CASKIN1: variants seen among roughly 807,000 people sequenced by gnomAD.
The protein encoded by CASKIN1 is caskin-1.
CASKIN1 carries 42 observed loss-of-function variants against 117.5 expected under a neutral mutation model. The ratio of observed to expected loss-of-function variants is 0.36; its 90% CI spans 0.28 to 0.46. The LOEUF is 0.46. CASKIN1 is among the 20% of genes least tolerant of loss of function. CASKIN1 has a pLI of 1.00. For synonymous variants in CASKIN1, 1,148 were observed against 961.7 expected (o/e 1.19, Z -3.59); for missense variants, 2,083 against 2,077.3 (o/e 1.00, Z -0.05).
In CASKIN1 at chr16:2,178,842, AGCCCCGCCCAT is replaced by A. The variant is rs1276621116; in HGVS notation, c.4199+49_4199+59del. On this transcript the variant is annotated intron_variant, in intron 19 of 19. Coordinates refer to ENST00000343516, the MANE Select transcript of CASKIN1 (RefSeq NM_020764.4). ...TGCCGAGCCCCGCCCATCTCTGCCG[AGCCCCGCCCAT>A]CTCTGCCGAGCCCCGCCCTCCGCCC... 85 of 1,333,006 alleles carry A rather than the reference AGCCCCGCCCAT, an allele frequency of 6.4e-5. No homozygotes were observed. The African/African-American group carries it at 1.3e-3, about 21-fold the overall frequency. The allele number at this position is 1,333,006 out of a possible 1,614,324, so 82.6% of individuals were successfully genotyped here.
intron 1 of CASKIN1, among the ~76,000 whole-genome samples, chr16:2,193,020 T>C (rs26830): frequency 0.33 from 49,516 of 152,062 alleles, 10,084 homozygotes; most frequent in East Asian, 0.5. Context: ...AAATTCTTTT[T>C]CTTTTTTTTT....
Position 2,181,051 on chromosome 16 carries a change from G to T in CASKIN1, c.2317C>A (p.His773Asn), listed in dbSNP as rs1263637385. 4 of 1,490,954 alleles carry T rather than the reference G, an allele frequency of 2.7e-6. No homozygotes were observed. The highest frequency in any genetic ancestry group is 3.6e-6 in the Non-Finnish European group (4 of 1,125,406). 92.4% of individuals were successfully genotyped at this position (1,490,954 alleles called of 1,614,324 possible). The change falls in exon 18 of 20, where the codon CAC becomes AAC. Residue 773 changes from histidine to asparagine, a missense_variant. By Grantham distance (68) the His-to-Asn change is moderately conservative. This residue lies in a region of CASKIN1 where 1,818 missense variants were observed against 1,688.9 expected (regional missense o/e 1.08). Transcript: ENST00000343516. Reference protein sequence around the residue: ...PRQVLPPGTSHFTPPQTPTKT... With the variant: ...PRQVLPPGTSNFTPPQTPTKT... ...GTGGGCGTCTGGGGGGGCGTGAAGT[G>T]GCTAGTGCCTGGTGGGAGGACCTGC...
At chr16:2,194,837 C>G (rs574819495) in intron 1 of CASKIN1, among the ~76,000 whole-genome samples, 1 of 152,296 alleles carries the variant, frequency 6.6e-6, no homozygotes, top group Admixed American at 6.5e-5. Context: ...CTGAAGCCCC[C>G]ACTTCCCCAG....
chr16:2,180,803 G>C lies in CASKIN1; in HGVS notation c.2565C>G (p.Pro855=), dbSNP rs921095844. 7.1e-7 allele frequency: 1 copy of C among 1,398,726 alleles called. No individual in the cohort carries two copies. Among genetic ancestry groups the C allele is most frequent in the Non-Finnish European group, 9.2e-7 (1 of 1,085,110 alleles). 86.6% of individuals were successfully genotyped at this position (1,398,726 alleles called of 1,614,324 possible). ...ACAGTGTGGGCACAGCCGTCGGCAC[G>C]GGTGGGGGCGCAGGCCCCGGGGCAG... ...GPAAPGPAPP[P]VPTAVPTLCL... The change falls in exon 18 of 20, where the codon CCC becomes CCG. Residue 855 remains proline (P), a synonymous_variant. Coordinates refer to ENST00000343516, the MANE Select transcript of CASKIN1 (RefSeq NM_020764.4).
rs757009792 is a variant in CASKIN1 at position 2,187,169 on chromosome 16, G to A, written c.832C>T (p.Arg278Ter). The change falls in exon 8 of 20, where the codon CGA (arginine) becomes TGA (stop). Residue 278 changes from arginine to a stop codon, truncating the protein, a stop_gained. Coordinates refer to ENST00000343516, the MANE Select transcript of CASKIN1 (RefSeq NM_020764.4). LOFTEE classifies it high-confidence loss of function. ...CCTCTGCCCTGCCTGGGCCCACCTC[G>A]CAACAGCTGCTTGATCTCCCTGCTG... The part of the protein sequence containing the change: ...QASREIKQLL[R>*]EASAALQVRA... 6.2e-7 allele frequency: 1 copy of A among 1,613,824 alleles called. No individual in the cohort carries two copies. Among genetic ancestry groups the A allele is most frequent in the Non-Finnish European group, 8.5e-7 (1 of 1,179,922 alleles).
chr16:2,183,553 G>A (rs2141317328), intron 16 of CASKIN1, 93 bp downstream of exon 16: 3 of 1,235,202 alleles, frequency 2.4e-6, no homozygotes, highest in Non-Finnish European at 2.3e-6. Flanking sequence ...GCCCCTGAGG[G>A]CGGGTGGGAG....
In CASKIN1 at chr16:2,181,516, G is replaced by A. The variant is rs1030069400; in HGVS notation, c.1852C>T (p.Leu618=). The change falls in exon 18 of 20, where the codon CTG becomes TTG. Residue 618 remains leucine, a synonymous_variant. Transcript: ENST00000343516. ...AGAGACTGGGGCGCCTTCCGGCGCAGGGGGCCCCCCTCATACTTGGCGTAT... is the reference window on the plus strand; with the variant it reads ...AGAGACTGGGGCGCCTTCCGGCGCAAGGGGCCCCCCTCATACTTGGCGTAT... ...AEYAKYEGGP[L]RRKAPQSLEV... 5.0e-6 allele frequency: 8 copies of A among 1,607,638 alleles called. No homozygotes were observed. The highest frequency in any genetic ancestry group is 6.8e-6 in the Non-Finnish European group (8 of 1,178,488).
rs1340617006 is a variant in CASKIN1, at chr16:2,189,551, C to A, written c.258G>T (p.Leu86=). 1 of 1,605,952 alleles carries A rather than the reference C, an allele frequency of 6.2e-7. No individual in the cohort carries two copies. Among genetic ancestry groups the A allele is most frequent in the Non-Finnish European group, 8.5e-7 (1 of 1,177,158 alleles). Residue 86 remains leucine (L), a synonymous_variant, in exon 4 of 20, where the codon CTG becomes CTT. Transcript: ENST00000343516. ...DIKDNKGMRP[L]HYAAWQGRKE... ...TCCGGCCCTGCCAGGCCGCATAGTGCAGCGGCCGCATGCCTGGGGGGCGAG... is the reference window on the plus strand; with the variant it reads ...TCCGGCCCTGCCAGGCCGCATAGTGAAGCGGCCGCATGCCTGGGGGGCGAG...
rs1181719330 is a variant in CASKIN1, at chr16:2,180,676, G to C, written c.2692C>G (p.Leu898Val). The change falls in exon 18 of 20, where the codon CTG (leucine) becomes GTG (valine). Residue 898 changes from leucine (L) to valine (V), a missense_variant. Physicochemically the swap from Leu to Val is conservative, Grantham distance 32. Around this residue, in one of 3 missense-constraint regions of CASKIN1, gnomAD observed 1,818 missense variants for 1,688.9 expected, o/e 1.08. Transcript: ENST00000343516. The part of the protein sequence containing the change: ...ASDSEPERDE[L>V]LVPAAAGPYA... ...GGGCCGGCAGCCGCAGGCACCAGCAGCTCGTCCCGCTCCGGCTCGCTGTCG... is the reference window on the plus strand; with the variant it reads ...GGGCCGGCAGCCGCAGGCACCAGCACCTCGTCCCGCTCCGGCTCGCTGTCG... The C allele has an allele frequency of 6.0e-6, 9 of 1,509,922 alleles. No individual in the cohort carries two copies. The East Asian group carries it at 2.2e-4, about 38-fold the overall frequency. The allele number at this position is 1,509,922 out of a possible 1,614,324, so 93.5% of individuals were successfully genotyped here.
Position 2,180,603 on chromosome 16 carries a change from G to A in CASKIN1, c.2765C>T (p.Ala922Val), listed in dbSNP as rs866039831. The A allele has an allele frequency of 9.5e-6, 15 of 1,572,278 alleles. No homozygotes were observed. Among genetic ancestry groups the A allele is most frequent in the Admixed American group, 3.6e-5 (2 of 55,904 alleles). Residue 922 changes from alanine to valine, a missense_variant, in exon 18 of 20, where the codon GCG (alanine) becomes GTG (valine). This residue lies in a region of CASKIN1 where 1,818 missense variants were observed against 1,688.9 expected (regional missense o/e 1.08). Transcript: ENST00000343516. ...GACGTTCTTGTCGGCACCTGCGGGC[G>A]CCCTCACTGAGTGGCTGCGGCCCAC... The part of the protein sequence containing the change: ...RRVGRSHSVR[A>V]PAGADKNVNR...
chr16:2,186,900 G>A (rs898503451), intron 9 of CASKIN1, 76 bp from the exon 10 acceptor site: 22 of 1,599,974 alleles, frequency 1.4e-5, no homozygotes, highest in Middle Eastern at 1.7e-4. Context: ...CCCCAGTTGC[G>A]GCGGGAGGGT....
At chr16:2,191,789 C>T (rs2093202312) in intron 1 of CASKIN1, among the ~76,000 whole-genome samples, 1 of 152,250 alleles carries the variant, frequency 6.6e-6, no homozygotes, top group South Asian at 2.1e-4. Context: ...TTCCTGCACA[C>T]CTATAGCTTG....
At position 2,187,282 on chromosome 16, in the gene CASKIN1, T is replaced by C. The variant is rs1269546965; in HGVS notation, c.727-8A>G. ...GTGGGCATTGATCCCGCTCTGCACA[T>C]GTGAGAGATGAGGCTCTGTCAGGAG... On this transcript the variant is annotated splice_polypyrimidine_tract_variant and splice_region_variant and intron_variant, in intron 7 of 19. Coordinates refer to ENST00000343516, the MANE Select transcript of CASKIN1 (RefSeq NM_020764.4). The C allele has an allele frequency of 7.4e-6, 12 of 1,613,806 alleles. No homozygotes were observed. The highest frequency in any genetic ancestry group is 2.2e-5 in the East Asian group (1 of 44,860).
In CASKIN1 at chr16:2,181,903, C is replaced by T. The variant is rs370922324; in HGVS notation, c.1656G>A (p.Met552Ile). 6.2e-7 allele frequency: 1 copy of T among 1,613,708 alleles called. No individual in the cohort carries two copies. Among genetic ancestry groups the T allele is most frequent in the South Asian group, 1.1e-5 (1 of 91,080 alleles). The change falls in exon 17 of 20, where the codon ATG (methionine) becomes ATA (isoleucine). Residue 552 changes from methionine (M) to isoleucine (I), a missense_variant. Physicochemically the swap from Met to Ile is conservative, Grantham distance 10. Transcript: ENST00000343516. ...KPANLAVWLS[M>I]IGLAQYYKVL... ...CCTTGTAGTACTGGGCCAGGCCGATCATGGACAGCCACACGGCCAGGTTAG... is the reference window on the plus strand; with the variant it reads ...CCTTGTAGTACTGGGCCAGGCCGATTATGGACAGCCACACGGCCAGGTTAG...
At chr16:2,187,776 C>A (rs2093189252) in intron 6 of CASKIN1, among the ~76,000 whole-genome samples, 3 of 152,084 alleles carry the variant, frequency 2.0e-5, no homozygotes, top group Non-Finnish European at 4.4e-5. Flanking sequence ...CACCTGCCAC[C>A]ACACCCAGCT....
intron 16 of CASKIN1, 45 bp downstream of exon 16, chr16:2,183,601 G>A (rs758593992): frequency 1.8e-5 from 29 of 1,586,012 alleles, no homozygotes; most frequent in Admixed American, 1.0e-4. Context: ...CTGTCTGTCT[G>A]TCTGCCCGTC....
chr16:2,181,515 A>AG lies in CASKIN1; in HGVS notation c.1852dup (p.Leu618ProfsTer10). 1 of 1,608,398 alleles carries AG rather than the reference A, an allele frequency of 6.2e-7. No homozygotes were observed. On this transcript the variant is annotated frameshift_variant, in exon 18 of 20. Transcript: ENST00000343516. LOFTEE classifies it high-confidence loss of function. ...AAGAGACTGGGGCGCCTTCCGGCGC[A>AG]GGGGGCCCCCCTCATACTTGGCGTA...
chr16:2,179,110 G>A lies in CASKIN1; in HGVS notation c.3991C>T (p.Pro1331Ser). The change falls in exon 19 of 20, where the codon CCC becomes TCC. Residue 1331 changes from proline to serine, a missense_variant. By Grantham distance (74) the Pro-to-Ser change is moderately conservative. Around this residue, in one of 3 missense-constraint regions of CASKIN1, gnomAD observed 1,818 missense variants for 1,688.9 expected, o/e 1.08. Transcript: ENST00000343516. The surrounding 1 kb of genome is among the most constrained non-coding windows in gnomAD (Gnocchi z 5.8). ...LGASPAKPPSPGAPALHVPAK... is the reference protein window; with the variant it reads ...LGASPAKPPSSGAPALHVPAK... ...GGCACGTGCAGCGCGGGCGCGCCGG[G>A]GGACGGGGGCTTGGCGGGGCTGGCG... The A allele has an allele frequency of 1.0e-6, 1 of 998,696 alleles. No homozygotes were observed. The highest frequency in any genetic ancestry group is 1.8e-5 in the African/African-American group (1 of 56,798). The allele number at this position is 998,696 out of a possible 1,614,324, so 61.9% of individuals were successfully genotyped here. A position where few individuals can be genotyped will look rare whatever the true frequency, so the allele number is the denominator to read the frequency against.
chr16:2,186,542 G>T (rs974366989), intron 10 of CASKIN1, among the ~76,000 whole-genome samples, 165 bp downstream of exon 10: 1 of 152,122 alleles, frequency 6.6e-6, no homozygotes, highest in Non-Finnish European at 1.5e-5. Flanking sequence ...GTGTGGGAAC[G>T]GACGAGGAGA....
Sources: allele counts gnomAD v4.1 joint callset (sites outside exome capture counted in the v4.1 genomes callset), GRCh38; gene constraint gnomAD v4.1.1; regional missense constraint gnomAD v4.1.1; non-coding constraint Gnocchi (gnomAD v3.1); transcripts MANE v1.5; gene names NCBI Gene and HGNC (gene_info 2026-07-23, HGNC 2026-07-21).